The following CELF4 variants were observed in gnomAD, a reference collection of about 807,000 sequenced individuals.
CELF4 encodes CUGBP Elav-like family member 4, also known as CUG-BP- and ETR-3-like factor 4.
A neutral mutation model predicts 59.9 loss-of-function variants in CELF4; 18 were observed. The observed-to-expected ratio is 0.30, with a 90% CI of 0.21 to 0.45. The LOEUF is 0.45. CELF4 is among the 20% of genes least tolerant of loss of function. CELF4 has a pLI of 1.00. For missense variants in CELF4, 456 were observed against 689.0 expected, an observed-to-expected ratio of 0.66 and a Z score of 3.79; for synonymous variants, 261 against 267.1, an observed-to-expected ratio of 0.98 and a Z score of 0.22.
chr18:37,377,747 T>A (rs1215222931), intron 2 of CELF4, among the ~76,000 whole-genome samples: 1 of 152,158 alleles, frequency 6.6e-6, no homozygotes, highest in Non-Finnish European at 1.5e-5. Flanking sequence ...GGCAGGACCC[T>A]TCTCTAGAGT....
At chr18:37,252,792 T>C (rs559126739) in intron 12 of CELF4, among the ~76,000 whole-genome samples, 33 of 151,470 alleles carry the variant, frequency 2.2e-4, no homozygotes, top group Non-Finnish European at 4.4e-4. Flanking sequence ...TCTTGCTCAC[T>C]GCTGAACCCC....
At chr18:37,438,151 C>G (rs1011867254) in intron 2 of CELF4, among the ~76,000 whole-genome samples, 1 of 152,160 alleles carries the variant, frequency 6.6e-6, no homozygotes, top group Non-Finnish European at 1.5e-5. Flanking sequence ...TTTGTATGCC[C>G]CTCAGTCTGT....
At chr18:37,547,297 C>A (rs1461934752) in intron 1 of CELF4, among the ~76,000 whole-genome samples, 1 of 152,066 alleles carries the variant, frequency 6.6e-6, no homozygotes, top group Admixed American at 6.5e-5. Context: ...CGGCTGAGGG[C>A]TGGGTGTACA....
chr18:37,521,795 C>A (rs2099957723), intron 1 of CELF4, among the ~76,000 whole-genome samples: 1 of 152,226 alleles, frequency 6.6e-6, no homozygotes, highest in Non-Finnish European at 1.5e-5. Context: ...AAAGCCTGTC[C>A]TTCATCCTGC....
At position 37,417,258 on chromosome 18, in the gene CELF4, T is replaced by A. The variant is rs568944934; in HGVS notation, c.369+68267A>T. Among the ~76,000 whole-genome samples the A allele has an allele frequency of 3.9e-5, 6 of 152,140 alleles. 1 individual carries two copies. In the South Asian group the frequency reaches 1.3e-3, roughly 32 times the overall value. On this transcript the variant is annotated intron_variant, in intron 2 of 12. Coordinates refer to ENST00000420428, the MANE Select transcript of CELF4 (RefSeq NM_020180.4). ...TGGGTCTGGGGGGTAAACATGCCCA[T>A]CCATAGGGATGGTTCAGCAATGAGC... is the stretch of plus-strand genomic sequence containing the variant.
intron 2 of CELF4, among the ~76,000 whole-genome samples, chr18:37,376,432 A>T (rs968684869): frequency 2.6e-5 from 4 of 152,168 alleles, no homozygotes; most frequent in Middle Eastern, 3.2e-3. Flanking sequence ...TGCCCCTGCA[A>T]ACCCTGCATC....
intron 2 of CELF4, among the ~76,000 whole-genome samples, chr18:37,429,275 G>C (rs147736399): frequency 2.0e-5 from 3 of 152,168 alleles, no homozygotes; most frequent in African/African-American, 4.8e-5. Flanking sequence ...CAGGAGAGAA[G>C]AGCCTGAAAG....
chr18:37,273,305 T>G, intron 6 of CELF4, 142 bp from the exon 7 acceptor site: 2 of 1,435,190 alleles, frequency 1.4e-6, no homozygotes, highest in Non-Finnish European at 1.8e-6. Context: ...CCCTGATGCC[T>G]CTCCCATTCT....
At chr18:37,485,490 C>G in intron 2 of CELF4, 35 bp downstream of exon 2, 1 of 1,289,774 alleles carries the variant, frequency 7.8e-7, no homozygotes. Flanking sequence ...CCTGTCGGCG[C>G]GTCGGCCGCT....
intron 2 of CELF4, among the ~76,000 whole-genome samples, chr18:37,407,518 T>C (rs1183854381): frequency 6.6e-6 from 1 of 152,120 alleles, no homozygotes; most frequent in Non-Finnish European, 1.5e-5. Context: ...TGTGTGCATG[T>C]GTACAGGTGT....
chr18:37,479,904 G>GACAC (rs2099861568), intron 2 of CELF4, among the ~76,000 whole-genome samples: 1 of 152,176 alleles, frequency 6.6e-6, no homozygotes. Context: ...GAGAAGTCTG[G>GACAC]ACACAGACAA....
chr18:37,373,411 A>T (rs1297172170), intron 2 of CELF4, among the ~76,000 whole-genome samples: 1 of 152,130 alleles, frequency 6.6e-6, no homozygotes, highest in Non-Finnish European at 1.5e-5. Context: ...GCCCATCACT[A>T]CCTGAGACCC....
chr18:37,535,901 G>A (rs941286168), intron 1 of CELF4, among the ~76,000 whole-genome samples: 2 of 152,152 alleles, frequency 1.3e-5, no homozygotes, highest in Non-Finnish European at 2.9e-5. Context: ...CTCTAGTCTC[G>A]AGGGCCTTGT....
intron 1 of CELF4, among the ~76,000 whole-genome samples, chr18:37,533,277 C>T (rs1194889910): frequency 1.3e-5 from 2 of 152,200 alleles, no homozygotes; most frequent in Non-Finnish European, 2.9e-5. Context: ...GTAGGGAACC[C>T]CAGAGAGGAG....
chr18:37,543,292 A>G (rs2099979031), intron 1 of CELF4, among the ~76,000 whole-genome samples: 1 of 152,138 alleles, frequency 6.6e-6, no homozygotes, highest in South Asian at 2.1e-4. Context: ...GAGTTCCTGG[A>G]CTAGAATGAA....
chr18:37,357,459 G>T (rs887063391), intron 2 of CELF4, among the ~76,000 whole-genome samples: 1 of 152,240 alleles, frequency 6.6e-6, no homozygotes, highest in Non-Finnish European at 1.5e-5. Flanking sequence ...ATGGAAACGC[G>T]TGGATGCCCA....
At chr18:37,302,057 TG>T (rs1298231152) in intron 3 of CELF4, among the ~76,000 whole-genome samples, 1 of 152,198 alleles carries the variant, frequency 6.6e-6, no homozygotes, top group Admixed American at 6.5e-5. Context: ...CCACTTTGGT[TG>T]GCTTTGGAAT....
intron 1 of CELF4, among the ~76,000 whole-genome samples, chr18:37,558,577 T>A (rs1431184960): frequency 6.8e-6 from 1 of 146,148 alleles, no homozygotes; most frequent in Non-Finnish European, 1.5e-5. Flanking sequence ...GGGGGGGCTC[T>A]GTTCTACTCC....
At chr18:37,513,194 C>T (rs1200863046) in intron 1 of CELF4, among the ~76,000 whole-genome samples, 2 of 152,230 alleles carry the variant, frequency 1.3e-5, no homozygotes, top group Non-Finnish European at 2.9e-5. Context: ...TTGTTCCCTG[C>T]CTCAATATGG....
Sources: gnomAD v4.1 joint callset for allele counts (sites outside exome capture counted in the v4.1 genomes callset) on GRCh38, gnomAD v4.1.1 for gene constraint, MANE v1.5 for transcripts, NCBI Gene and HGNC (gene_info 2026-07-23, HGNC 2026-07-21) for gene names.